HECW1: variants seen among roughly 807,000 people sequenced by gnomAD.
The protein encoded by HECW1 is HECT, C2 and WW domain containing E3 ubiquitin protein ligase 1.
A neutral mutation model predicts 182.3 loss-of-function variants in HECW1; 61 were observed. That is an observed-to-expected ratio of 0.33 (90% CI 0.27 to 0.41). The LOEUF is 0.41. Ranked by LOEUF, HECW1 falls within the 10% of genes least tolerant of loss-of-function variation. The pLI, the probability that HECW1 is intolerant of heterozygous loss-of-function variation, is 1.00. For synonymous variants in HECW1, 859 were observed against 832.6 expected, an observed-to-expected ratio of 1.03 and a Z score of -0.55; for missense variants, 1,739 against 2,108.9, an observed-to-expected ratio of 0.82 and a Z score of 3.44.
intron 2 of HECW1, among the ~76,000 whole-genome samples, chr7:43,157,543 A>G (rs1409153649): frequency 2.0e-5 from 3 of 152,154 alleles, no homozygotes; most frequent in Non-Finnish European, 4.4e-5. Flanking sequence ...TACATTTATA[A>G]GGATAAAATT....
intron 2 of HECW1, among the ~76,000 whole-genome samples, chr7:43,207,080 T>C (rs1795544530): frequency 1.3e-5 from 2 of 152,220 alleles, no homozygotes; most frequent in South Asian, 2.1e-4. Context: ...AGAGTCTTGC[T>C]CTGTCGCCCA....
intron 8 of HECW1, among the ~76,000 whole-genome samples, chr7:43,411,618 CTCTAAT>C (rs1250665565): frequency 2.0e-5 from 3 of 152,132 alleles, no homozygotes; most frequent in African/African-American, 7.2e-5. Context: ...TTGTCTGTTT[CTCTAAT>C]TCTGTCAACT....
intron 21 of HECW1, among the ~76,000 whole-genome samples, chr7:43,504,598 G>A (rs1460907352): frequency 6.6e-6 from 1 of 152,154 alleles, no homozygotes; most frequent in African/African-American, 2.4e-5. Flanking sequence ...AGGCACTCTT[G>A]GGTAAATTCA....
At position 43,493,160 on chromosome 7, in the gene HECW1, A is replaced by C; in HGVS notation, c.3417A>C (p.Leu1139Phe). 6.2e-7 allele frequency: 1 copy of C among 1,613,470 alleles called. No homozygotes were observed. Among genetic ancestry groups the C allele is most frequent in the Non-Finnish European group, 8.5e-7 (1 of 1,179,516 alleles). ...TGCTGCAAGAGCGTCAGCCAAGCTT[A>C]GCAAGAAACCACACACTCAGGTAAG... ...FEMLQERQPS[L>F]ARNHTLREKI... is the part of the protein sequence containing the mutation. The change falls in exon 19 of 30, where the codon TTA (leucine) becomes TTC (phenylalanine). Residue 1139 changes from leucine (L) to phenylalanine (F), a missense_variant. Coordinates refer to ENST00000395891, the MANE Select transcript of HECW1 (RefSeq NM_015052.5).
chr7:43,402,505 G>A (rs1187463649), intron 7 of HECW1, among the ~76,000 whole-genome samples: 2 of 152,154 alleles, frequency 1.3e-5, no homozygotes, highest in African/African-American at 4.8e-5. Context: ...ATGTCCACCA[G>A]ATTTTCATAT....
At chr7:43,438,657 A>G (rs6961295) in intron 9 of HECW1, 73,788 of 152,066 alleles carry the variant, frequency 0.49, 17,953 homozygotes, top group South Asian at 0.54. Context: ...AATGACAGCA[A>G]TTAAGATGCT....
At position 43,552,341 on chromosome 7, in the gene HECW1, G is replaced by A. The variant is rs1169412357; in HGVS notation, c.4510+5G>A. On this transcript the variant is annotated splice_donor_5th_base_variant and intron_variant, in intron 28 of 29. Coordinates refer to ENST00000395891, the MANE Select transcript of HECW1 (RefSeq NM_015052.5). ...ATAACACTGAGTACCGGGGAGGTGA[G>A]TGGGCAGGAGCTGTAATGATGCAAT... The A allele has an allele frequency of 6.5e-7, 1 of 1,548,982 alleles. No individual in the cohort carries two copies. The highest frequency in any genetic ancestry group is 8.9e-7 in the Non-Finnish European group (1 of 1,120,724).
At chr7:43,314,704 G>A (rs1808966897) in intron 4 of HECW1, among the ~76,000 whole-genome samples, 1 of 152,178 alleles carries the variant, frequency 6.6e-6, no homozygotes, top group Admixed American at 6.5e-5. Context: ...GTTATGTAAT[G>A]CAAAATGCCA....
chr7:43,176,567 G>C (rs1405708875), intron 2 of HECW1, among the ~76,000 whole-genome samples: 2 of 152,110 alleles, frequency 1.3e-5, no homozygotes. Context: ...CACAGTGGGG[G>C]GCTCACAATA....
intron 17 of HECW1, among the ~76,000 whole-genome samples, chr7:43,488,438 A>AAGAAAGAG (rs1554440520): frequency 9.0e-6 from 1 of 110,674 alleles, no homozygotes; most frequent in African/African-American, 3.7e-5. Flanking sequence ...AAGAAAGAGA[A>AAGAAAGAG]AGAAAGAAAG....
chr7:43,176,261 A>AT, intron 2 of HECW1, among the ~76,000 whole-genome samples: 1 of 152,160 alleles, frequency 6.6e-6, no homozygotes, highest in South Asian at 2.1e-4. Flanking sequence ...GCTCTGCCAT[A>AT]TTTTTTTCAG....
chr7:43,140,150 T>C (rs1788008685), intron 2 of HECW1, among the ~76,000 whole-genome samples: 1 of 152,254 alleles, frequency 6.6e-6, no homozygotes, highest in Non-Finnish European at 1.5e-5. Context: ...CCTTGAAACT[T>C]TGGAATTTTG....
rs111907793 is a variant in HECW1 at position 43,404,203 on chromosome 7, G to A, written c.632-3359G>A. 5.2e-3 allele frequency among the ~76,000 whole-genome samples: 790 copies of A among 152,256 alleles called. 3 individuals are homozygous for A. The highest frequency in any genetic ancestry group is 0.017 in the African/African-American group (720 of 41,540). On this transcript the variant is annotated intron_variant, in intron 7 of 29. Transcript: ENST00000395891. Reference sequence around the variant, plus strand: ...TTCAAGTACTTTTATTCCATGAAACGTATATCTCAGTGAGTATTTAGACTG... The same window carrying A: ...TTCAAGTACTTTTATTCCATGAAACATATATCTCAGTGAGTATTTAGACTG...
At chr7:43,514,721 T>A (rs1246237296) in intron 24 of HECW1, among the ~76,000 whole-genome samples, 2 of 152,240 alleles carry the variant, frequency 1.3e-5, no homozygotes, top group Non-Finnish European at 2.9e-5. Flanking sequence ...GGATACATAA[T>A]TTAATAATTA....
At chr7:43,400,873 G>A (rs889711471) in intron 7 of HECW1, among the ~76,000 whole-genome samples, 1 of 152,196 alleles carries the variant, frequency 6.6e-6, no homozygotes, top group African/African-American at 2.4e-5. Flanking sequence ...GGGCTCTGGT[G>A]CAAATCCATC....
intron 24 of HECW1, among the ~76,000 whole-genome samples, chr7:43,525,304 T>G (rs894551836): frequency 6.6e-6 from 1 of 152,242 alleles, no homozygotes; most frequent in Non-Finnish European, 1.5e-5. Flanking sequence ...TGAAATCAGT[T>G]CATTTCCTGA....
Position 43,444,787 on chromosome 7 carries a change from G to T in HECW1, c.1615G>T (p.Val539Leu), listed in dbSNP as rs1339669973. 6.2e-7 allele frequency: 1 copy of T among 1,614,138 alleles called. No homozygotes were observed. The highest frequency in any genetic ancestry group is 8.5e-7 in the Non-Finnish European group (1 of 1,180,034). Residue 539 changes from valine to leucine, a missense_variant, in exon 11 of 30, where the codon GTG becomes TTG. Coordinates refer to ENST00000395891, the MANE Select transcript of HECW1 (RefSeq NM_015052.5). The surrounding 1 kb of genome is among the most constrained non-coding windows in gnomAD (Gnocchi z 4.3). ...AAAAAGCAGGCCCTGCTCCTTGCCTGTGTCCGAGCTGGAGACGGTGATCGC... is the reference window on the plus strand; with the variant it reads ...AAAAAGCAGGCCCTGCTCCTTGCCTTTGTCCGAGCTGGAGACGGTGATCGC... ...KRKSRPCSLP[V>L]SELETVIASA... is the part of the protein sequence containing the mutation.
At chr7:43,248,154 AAG>A (rs1404647584) in intron 3 of HECW1, among the ~76,000 whole-genome samples, 1 of 151,742 alleles carries the variant, frequency 6.6e-6, no homozygotes, top group African/African-American at 2.4e-5. Context: ...AAGAAGAAGA[AAG>A]AGAGAGGAGC....
chr7:43,211,054 G>C (rs555326141), intron 2 of HECW1, among the ~76,000 whole-genome samples: 1 of 152,180 alleles, frequency 6.6e-6, no homozygotes, highest in African/African-American at 2.4e-5. Context: ...GCTCTCAGGC[G>C]ATAGATGATT....
Sources: gnomAD v4.1 joint callset for allele counts (sites outside exome capture counted in the v4.1 genomes callset) on GRCh38, gnomAD v4.1.1 for gene constraint, Gnocchi (gnomAD v3.1) non-coding constraint, MANE v1.5 for transcripts, NCBI Gene and HGNC (gene_info 2026-07-23, HGNC 2026-07-21) for gene names.